Variants in PRPSAP2 observed in about 807,000 individuals in gnomAD.
The protein encoded by PRPSAP2 is phosphoribosyl pyrophosphate synthase-associated protein 2.
A neutral mutation model predicts 40.6 loss-of-function variants in PRPSAP2; 24 were observed. The ratio of observed to expected loss-of-function variants is 0.59; its 90% CI spans 0.43 to 0.83. PRPSAP2 has a LOEUF of 0.83. Ranked by LOEUF, PRPSAP2 falls within the 40% of genes least tolerant of loss-of-function variation. The probability of loss-of-function intolerance (pLI) is 0.00; values close to 1 mark genes in which losing one functional copy is unlikely to be tolerated. For synonymous variants in PRPSAP2, 149 were observed against 164.7 expected, an observed-to-expected ratio of 0.90 and a Z score of 0.73; for missense variants, 292 against 465.6, an observed-to-expected ratio of 0.63 and a Z score of 3.43.
At chr17:18,926,502 C>T (rs890948364) in intron 10 of PRPSAP2, among the ~76,000 whole-genome samples, 3 of 152,042 alleles carry the variant, frequency 2.0e-5, no homozygotes, top group African/African-American at 7.2e-5. Context: ...CTCCTGACCT[C>T]GTGATCTGCC....
intron 7 of PRPSAP2, among the ~76,000 whole-genome samples, chr17:18,884,369 TTCTC>T (rs34543979): frequency 0.053 from 8,078 of 152,180 alleles, 303 homozygotes; most frequent in Non-Finnish European, 0.078. Flanking sequence ...GACAGGGTCT[TTCTC>T]TGTCACCCAG....
intron 8 of PRPSAP2, 90 bp downstream of exon 8, chr17:18,889,967 G>T: frequency 8.8e-7 from 1 of 1,135,742 alleles, no homozygotes; most frequent in South Asian, 1.7e-5. Flanking sequence ...GAACTTCAGT[G>T]GTTCCCAGCG....
chr17:18,871,653 CT>C (rs142523345), intron 4 of PRPSAP2, among the ~76,000 whole-genome samples: 214 of 129,780 alleles, frequency 1.6e-3, no homozygotes, highest in African/African-American at 5.0e-3. Context: ...ATATAATTTT[CT>C]TTTTTTTTTT....
chr17:18,880,670 A>G (rs566930023), intron 6 of PRPSAP2, among the ~76,000 whole-genome samples: 18 of 152,136 alleles, frequency 1.2e-4, no homozygotes, highest in African/African-American at 4.1e-4. Flanking sequence ...CGGCCTCCCA[A>G]AGTGCTGGGT....
At position 18,911,401 on chromosome 17, in the gene PRPSAP2, T is replaced by C. The variant is rs2151953473; in HGVS notation, c.733+150T>C. 1 of 977,300 alleles carries C rather than the reference T, an allele frequency of 1.0e-6. No homozygotes were observed. Among genetic ancestry groups the C allele is most frequent in the African/African-American group, 1.6e-5 (1 of 61,306 alleles). 60.5% of individuals were successfully genotyped at this position (977,300 alleles called of 1,614,324 possible). A position where few individuals can be genotyped will look rare whatever the true frequency, so the allele number is the denominator to read the frequency against. On this transcript the variant is annotated intron_variant, in intron 9 of 11. Coordinates refer to ENST00000268835, the MANE Select transcript of PRPSAP2 (RefSeq NM_002767.4). This position sits in a 1 kb window ranked among gnomAD's most constrained non-coding sequence, Gnocchi z 4.5. ...CTTGGCCAGATAGTAGCGAATGCAT[T>C]TCTGATTACCTTGTAAATTGTAAGG...
At chr17:18,921,100 T>G (rs2151967954) in intron 9 of PRPSAP2, among the ~76,000 whole-genome samples, 1 of 152,240 alleles carries the variant, frequency 6.6e-6, no homozygotes, top group African/African-American at 2.4e-5. Context: ...AAGCGATTTG[T>G]CCACCTCAGC....
chr17:18,915,349 T>C (rs2151959378), intron 9 of PRPSAP2, among the ~76,000 whole-genome samples: 1 of 152,282 alleles, frequency 6.6e-6, no homozygotes, highest in East Asian at 1.9e-4. Flanking sequence ...TCTACTAGCA[T>C]TGTGATCATG....
Position 18,877,836 on chromosome 17 carries a change from C to T in PRPSAP2, c.378C>T (p.Val126=), listed in dbSNP as rs373140759. Residue 126 remains valine, a synonymous_variant, in exon 6 of 12, where the codon GTC becomes GTT. Transcript: ENST00000268835. ...QCKMRKRGSI[V]SKLLASMMCK... is the part of the protein sequence containing the mutation. Reference sequence around the variant, plus strand: ...AGATGAGAAAAAGAGGCTCCATTGTCTCTAAATTGCTGGCTTCCATGATGT... The same window carrying T: ...AGATGAGAAAAAGAGGCTCCATTGTTTCTAAATTGCTGGCTTCCATGATGT... 20 of 1,612,504 alleles carry T rather than the reference C, an allele frequency of 1.2e-5. No individual in the cohort carries two copies. In the African/African-American group the frequency reaches 2.3e-4, roughly 18 times the overall value.
At chr17:18,882,059 T>C (rs2038795703) in intron 6 of PRPSAP2, among the ~76,000 whole-genome samples, 1 of 144,338 alleles carries the variant, frequency 6.9e-6, no homozygotes, top group South Asian at 2.3e-4. Flanking sequence ...CAGGCTGGCG[T>C]TGAACTCCTG....
At chr17:18,872,544 A>G (rs369907512) in intron 4 of PRPSAP2, 39 bp from the exon 5 acceptor site, 28 of 1,475,010 alleles carry the variant, frequency 1.9e-5, no homozygotes, top group African/African-American at 2.8e-5. Flanking sequence ...AATTTGAACT[A>G]TATGCCTTTC....
At chr17:18,903,243 C>T (rs868195287) in intron 8 of PRPSAP2, among the ~76,000 whole-genome samples, 8 of 151,542 alleles carry the variant, frequency 5.3e-5, no homozygotes, top group Admixed American at 3.9e-4. Flanking sequence ...ACCCGGGAGG[C>T]GGAGGTTGCG....
chr17:18,878,444 C>G (rs2038463208), intron 6 of PRPSAP2, among the ~76,000 whole-genome samples: 1 of 152,156 alleles, frequency 6.6e-6, no homozygotes, highest in African/African-American at 2.4e-5. Flanking sequence ...AGGTAACAAC[C>G]TAAGTATTTT....
At chr17:18,917,579 TTA>T (rs1567744303) in intron 9 of PRPSAP2, 1 of 72,448 alleles carries the variant, frequency 1.4e-5, no homozygotes, top group Non-Finnish European at 2.4e-5. Flanking sequence ...ATTATTATTA[TTA>T]TTATTTTTTT....
chr17:18,926,097 C>CA (rs1344873963), intron 10 of PRPSAP2, among the ~76,000 whole-genome samples: 365 of 146,752 alleles, frequency 2.5e-3, no homozygotes, highest in African/African-American at 4.6e-3. Context: ...GACTCTGTCT[C>CA]AAAAAAAAAA....
At chr17:18,876,262 G>T (rs2038293271) in intron 5 of PRPSAP2, among the ~76,000 whole-genome samples, 1 of 152,190 alleles carries the variant, frequency 6.6e-6, no homozygotes, top group Non-Finnish European at 1.5e-5. Context: ...TCCATTAACT[G>T]AAGTTTTCCT....
chr17:18,885,028 ATT>A (rs1362781546), intron 7 of PRPSAP2, among the ~76,000 whole-genome samples: 1 of 152,080 alleles, frequency 6.6e-6, no homozygotes, highest in Non-Finnish European at 1.5e-5. Flanking sequence ...AACGCTAGTC[ATT>A]GCCTGTAGTG....
At chr17:18,864,669 G>A (rs983801115) in intron 1 of PRPSAP2, among the ~76,000 whole-genome samples, 2 of 143,570 alleles carry the variant, frequency 1.4e-5, no homozygotes, top group Non-Finnish European at 3.1e-5. Context: ...AAAAAGATTA[G>A]CTTAGTTTCA....
chr17:18,904,886 A>G (rs1258517030), intron 8 of PRPSAP2: 1 of 152,214 alleles, frequency 6.6e-6, no homozygotes, highest in Non-Finnish European at 1.5e-5. Flanking sequence ...CTGTCAGTGC[A>G]TGAAACAAAA....
rs1250725429 is a variant in PRPSAP2, at chr17:18,911,664, T to G, written c.733+413T>G. Among the ~76,000 whole-genome samples the G allele has an allele frequency of 6.6e-6, 1 of 152,060 alleles. No individual in the cohort carries two copies. On this transcript the variant is annotated intron_variant, in intron 9 of 11. Transcript: ENST00000268835. This position sits in a 1 kb window ranked among gnomAD's most constrained non-coding sequence, Gnocchi z 4.5. ...GAGTGTAGGGCTTGGTAAATTATAC[T>G]GTGTCAGTACAGCTAATTATGCAGC...
Sources: gnomAD v4.1 joint callset for allele counts (sites outside exome capture counted in the v4.1 genomes callset) on GRCh38, gnomAD v4.1.1 for gene constraint, Gnocchi (gnomAD v3.1) non-coding constraint, MANE v1.5 for transcripts, NCBI Gene and HGNC (gene_info 2026-07-23, HGNC 2026-07-21) for gene names.